Variants in POLR1A observed in about 807,000 individuals in gnomAD.
POLR1A encodes DNA-directed RNA polymerase I subunit RPA1.
Under a neutral mutation model 205.3 loss-of-function variants are expected in POLR1A, and 84 were observed. The ratio of observed to expected loss-of-function variants is 0.41; its 90% CI spans 0.34 to 0.49. The LOEUF is 0.49. Ranked by LOEUF, POLR1A falls within the 20% of genes least tolerant of loss-of-function variation. POLR1A has a pLI of 0.22. For synonymous variants in POLR1A, 799 were observed against 863.7 expected (o/e 0.93, Z 1.31); for missense variants, 1,645 against 2,204.5 (o/e 0.75, Z 5.08).
At chr2:86,041,390 CTGTGTGTGTGTG>C (rs141600019) in intron 24 of POLR1A, among the ~76,000 whole-genome samples, 1 of 124,676 alleles carries the variant, frequency 8.0e-6, no homozygotes, top group Non-Finnish European at 1.7e-5. Flanking sequence ...GCTACAGTGT[CTGTGTGTGTGTG>C]TGTGTGTGTG....
rs2104390527 is a variant in POLR1A at position 86,043,061 on chromosome 2, C to G, written c.3270G>C (p.Leu1090Phe). The G allele has an allele frequency of 6.2e-7, 1 of 1,614,186 alleles. No individual in the cohort carries two copies. The highest frequency in any genetic ancestry group is 8.5e-7 in the Non-Finnish European group (1 of 1,180,028). Residue 1090 changes from leucine to phenylalanine, a missense_variant, in exon 23 of 34, where the codon TTG becomes TTC. Leu to Phe is a conservative substitution (Grantham distance 22, BLOSUM62 0). Coordinates refer to ENST00000263857, the MANE Select transcript of POLR1A (RefSeq NM_015425.6). ...CTTCCTGAATTTTCTGGGAATAACT[C>G]AAGAAGGCGCCTCTTCTCAGCAGGG... ...PNTLLRRGAF[L>F]SYSQKIQEAV... is the part of the protein sequence containing the mutation.
chr2:86,051,310 A>G (rs1672798742), intron 16 of POLR1A, among the ~76,000 whole-genome samples: 1 of 152,086 alleles, frequency 6.6e-6, no homozygotes, highest in African/African-American at 2.4e-5. Context: ...AATTACTATT[A>G]GTGGTTATCT....
chr2:86,078,953 G>A (rs537589420), intron 9 of POLR1A, among the ~76,000 whole-genome samples: 1 of 152,268 alleles, frequency 6.6e-6, no homozygotes, highest in Admixed American at 6.5e-5. Context: ...GCCTTCAGCT[G>A]GCTTAGAGCA....
At position 86,038,724 on chromosome 2, in the gene POLR1A, T is replaced by C; in HGVS notation, c.4010A>G (p.Asp1337Gly). Reference protein sequence around the residue: ...YQQEKCLRPEDILRFMETRFF... With the variant: ...YQQEKCLRPEGILRFMETRFF... Reference sequence around the variant, plus strand: ...CCTTGTTTCCATGAAGCGCAGGATGTCCTCGGGTCTCAGGCACTTCTCCTG... The same window carrying C: ...CCTTGTTTCCATGAAGCGCAGGATGCCCTCGGGTCTCAGGCACTTCTCCTG... The change falls in exon 27 of 34, where the codon GAC becomes GGC. Residue 1337 changes from aspartate to glycine, a missense_variant. By Grantham distance (94) the Asp-to-Gly change is moderately conservative (BLOSUM62 -1). Transcript: ENST00000263857. 1.2e-6 allele frequency: 2 copies of C among 1,613,914 alleles called. No individual in the cohort carries two copies. The highest frequency in any genetic ancestry group is 2.2e-5 in the South Asian group (2 of 91,050).
chr2:86,045,421 G>A, intron 20 of POLR1A, 61 bp from the exon 21 acceptor site: 2 of 1,398,184 alleles, frequency 1.4e-6, no homozygotes, highest in Non-Finnish European at 2.0e-6. Context: ...TTCCTGAAGG[G>A]CTCAGGCCAA....
chr2:86,062,954 G>A (rs1355018418), intron 14 of POLR1A, among the ~76,000 whole-genome samples: 1 of 152,110 alleles, frequency 6.6e-6, no homozygotes, highest in Non-Finnish European at 1.5e-5. Context: ...CAAATTCCCT[G>A]AAAAACACAA....
rs752860605 is a variant in POLR1A, at chr2:86,078,257, G to A, written c.1114C>T (p.Arg372Ter). Reference protein sequence around the residue: ...EEKDSLIAIDRSFLSTLPGQS... With the variant: ...EEKDSLIAID ...CCTGGAAGTGTACTCAAAAAGGATCGGTCAATAGCAATCAAAGAGTCTTTT... is the reference window on the plus strand; with the variant it reads ...CCTGGAAGTGTACTCAAAAAGGATCAGTCAATAGCAATCAAAGAGTCTTTT... The change falls in exon 10 of 34, where the codon CGA (arginine) becomes TGA (stop). Residue 372 changes from arginine (R) to a stop codon, truncating the protein, a stop_gained. Transcript: ENST00000263857. LOFTEE classifies it high-confidence loss of function. 13 of 1,580,106 alleles carry A rather than the reference G, an allele frequency of 8.2e-6. No individual in the cohort carries two copies. Among genetic ancestry groups the A allele is most frequent in the African/African-American group, 1.4e-5 (1 of 72,734 alleles).
At chr2:86,093,330 AATCT>A (rs1406439949) in intron 3 of POLR1A, among the ~76,000 whole-genome samples, 1 of 152,182 alleles carries the variant, frequency 6.6e-6, no homozygotes, top group African/African-American at 2.4e-5. Context: ...TATTTCCAGA[AATCT>A]ATCTTTCTTG....
chr2:86,074,994 C>T (rs758395400), intron 12 of POLR1A, 36 bp downstream of exon 12: 7 of 1,427,010 alleles, frequency 4.9e-6, no homozygotes, highest in Non-Finnish European at 3.9e-6. Context: ...CGAACAGGAG[C>T]CGGATGGGTC....
chr2:86,035,947 T>C (rs1431280182), intron 27 of POLR1A, among the ~76,000 whole-genome samples: 1 of 152,158 alleles, frequency 6.6e-6, no homozygotes, highest in African/African-American at 2.4e-5. Context: ...GTGTGCCAGT[T>C]TTCCTGGAGG....
Position 86,021,002 on chromosome 2 carries a change from G to A in POLR1A, c.*6421C>T, listed in dbSNP as rs1286619466. 1 of 152,254 alleles carries A rather than the reference G, an allele frequency of 6.6e-6. No individual in the cohort carries two copies. The highest frequency in any genetic ancestry group is 2.4e-5 in the African/African-American group (1 of 41,466). 9.4% of individuals were successfully genotyped at this position (152,254 alleles called of 1,614,324 possible). On this transcript the variant is annotated 3_prime_UTR_variant, in exon 34 of 34. Transcript: ENST00000263857. ...GTAAGTTGAGGGCTTGAGATTCCAA[G>A]AAAAGTCTTATTTCAGAGCTCAGTG...
chr2:86,039,402 G>C lies in POLR1A; in HGVS notation c.3801C>G (p.Pro1267=). 1.9e-6 allele frequency: 3 copies of C among 1,613,960 alleles called. No individual in the cohort carries two copies. The highest frequency in any genetic ancestry group is 2.2e-5 in the East Asian group (1 of 44,894). ...TCAGGGCTTTCTTGGTGTTGAGCAC[G>C]GGCACGCTCATCATGGGTGTCTTGA... ...ANIKTPMMSV[P]VLNTKKALKR... Residue 1267 remains proline, a synonymous_variant, in exon 26 of 34, where the codon CCC becomes CCG. Transcript: ENST00000263857.
At chr2:86,069,499 G>A (rs911678588) in intron 13 of POLR1A, among the ~76,000 whole-genome samples, 1 of 152,204 alleles carries the variant, frequency 6.6e-6, no homozygotes, top group African/African-American at 2.4e-5. Context: ...TGACCACAAG[G>A]GGTTGCCCTT....
chr2:86,041,862 T>C (rs549933064), intron 24 of POLR1A, 27 bp downstream of exon 24: 3 of 1,573,290 alleles, frequency 1.9e-6, no homozygotes, highest in East Asian at 2.2e-5. Context: ...CTCCTGCACA[T>C]GTTGTGCAAC....
intron 3 of POLR1A, among the ~76,000 whole-genome samples, chr2:86,092,970 A>T (rs920666355): frequency 6.6e-6 from 1 of 152,240 alleles, no homozygotes; most frequent in Non-Finnish European, 1.5e-5. Flanking sequence ...AATATTAAGA[A>T]ATCAAATCCA....
intron 13 of POLR1A, among the ~76,000 whole-genome samples, chr2:86,066,131 G>A (rs1334183729): frequency 2.6e-5 from 4 of 152,196 alleles, no homozygotes; most frequent in East Asian, 1.9e-4. Context: ...TAGCCTCTCC[G>A]AAGGGCAGTT....
chr2:86,063,821 C>T (rs1673042291), intron 14 of POLR1A, among the ~76,000 whole-genome samples: 2 of 152,244 alleles, frequency 1.3e-5, no homozygotes, highest in Admixed American at 1.3e-4. Flanking sequence ...TTCTTCTTTT[C>T]AACCTAGGCA....
At chr2:86,096,607 A>C (rs1673708028) in intron 3 of POLR1A, among the ~76,000 whole-genome samples, 1 of 152,314 alleles carries the variant, frequency 6.6e-6, no homozygotes. Context: ...CAGGGAACCC[A>C]AAAATTAATC....
At chr2:86,035,122 T>C (rs1672470934) in intron 27 of POLR1A, among the ~76,000 whole-genome samples, 1 of 152,184 alleles carries the variant, frequency 6.6e-6, no homozygotes. Context: ...CCACCTGCCT[T>C]GGCCTCCCAA....
Sources: gnomAD v4.1 joint callset for allele counts (sites outside exome capture counted in the v4.1 genomes callset) on GRCh38, gnomAD v4.1.1 for gene constraint, MANE v1.5 for transcripts, NCBI Gene and HGNC (gene_info 2026-07-23, HGNC 2026-07-21) for gene names.